Variants in EIF4E3 observed in about 807,000 individuals in gnomAD.
The protein encoded by EIF4E3 is eukaryotic translation initiation factor 4E type 3.
In EIF4E3, 26 loss-of-function variants were observed where a neutral mutation model predicts 31.7. The ratio of observed to expected loss-of-function variants is 0.82; its 90% CI spans 0.60 to 1.14. The LOEUF (loss-of-function observed/expected upper bound fraction) is 1.14. Ranked by LOEUF, EIF4E3 falls within the 50% of genes most tolerant of loss-of-function variation. The probability of loss-of-function intolerance (pLI) is 0.00; values close to 1 mark genes in which losing one functional copy is unlikely to be tolerated. For missense variants in EIF4E3, 304 were observed against 270.9 expected (o/e 1.12, Z -0.86); for synonymous variants, 128 against 107.7 (o/e 1.19, Z -1.17).
At chr3:71,754,185 G>A (rs375707207), upstream of EIF4E3, 309 of 1,438,076 alleles carry the variant, frequency 2.1e-4, 1 homozygote, top group Non-Finnish European at 2.8e-4. The surrounding 1 kb of genome is among the most constrained non-coding windows in gnomAD (Gnocchi z 5.8). Flanking sequence ...GATCGTGCGG[G>A]AGCGCAGCCT....
chr3:71,705,344 A>G (rs1274854062), intron 2 of EIF4E3, among the ~76,000 whole-genome samples: 1 of 152,150 alleles, frequency 6.6e-6, no homozygotes, highest in African/African-American at 2.4e-5. Context: ...AGGCGGCTTG[A>G]CCTGCGGATA....
intron 1 of EIF4E3, among the ~76,000 whole-genome samples, chr3:71,731,304 T>G (rs1578382132): frequency 6.6e-6 from 1 of 152,206 alleles, no homozygotes; most frequent in African/African-American, 2.4e-5. Flanking sequence ...GGCTGATCTC[T>G]CCCCCTGCCT....
chr3:71,663,290 G>A, the EIF4E3 span, among the ~76,000 whole-genome samples: 19 of 151,948 alleles, frequency 1.3e-4, no homozygotes, highest in Admixed American at 3.3e-4. Context: ...ACATGTAATC[G>A]GGGAAATTTT....
intron 1 of EIF4E3, among the ~76,000 whole-genome samples, chr3:71,716,012 T>A (rs181008587): frequency 6.6e-6 from 1 of 152,088 alleles, no homozygotes; most frequent in Non-Finnish European, 1.5e-5. Context: ...AGCATAGGTG[T>A]CCCATAGCAC....
chr3:71,673,927 AT>A (rs1559581254), downstream of EIF4E3, among the ~76,000 whole-genome samples: 4 of 139,612 alleles, frequency 2.9e-5, no homozygotes, highest in Admixed American at 1.6e-4. Flanking sequence ...ATATATATAT[AT>A]ATAAAAAACA....
upstream of EIF4E3, among the ~76,000 whole-genome samples, chr3:71,753,858 C>G (rs2108173286): frequency 6.8e-6 from 1 of 146,634 alleles, no homozygotes; most frequent in Admixed American, 6.7e-5. Flanking sequence ...GCGCACCATT[C>G]CTGAGATGGC....
chr3:71,733,374 G>C (rs1220277201), intron 1 of EIF4E3, among the ~76,000 whole-genome samples: 2 of 152,150 alleles, frequency 1.3e-5, no homozygotes, highest in African/African-American at 4.8e-5. Flanking sequence ...ATAAGATTTT[G>C]TTTTGGGGAT....
chr3:71,753,783 G>A (rs1370341664), upstream of EIF4E3, among the ~76,000 whole-genome samples: 2 of 148,620 alleles, frequency 1.3e-5, no homozygotes, highest in East Asian at 3.9e-4. Flanking sequence ...GCGGACGGTG[G>A]CGAGGCCCTG....
At chr3:71,751,070 T>C (rs2049924194) in intron 1 of EIF4E3, among the ~76,000 whole-genome samples, 1 of 151,972 alleles carries the variant, frequency 6.6e-6, no homozygotes, top group Non-Finnish European at 1.5e-5. Flanking sequence ...CCTCTACAAA[T>C]AATTTTTTAA....
rs189908855 is a variant in EIF4E3 at position 71,685,950 on chromosome 3, C to A, written c.629-1222G>T. On this transcript the variant is annotated intron_variant, in intron 6 of 6. Transcript: ENST00000425534. ...GAGGCAGATGGGCTGGCCCATTTCACCTTTTAAGCCCCTTCCAGTTCTGTT... is the reference window on the plus strand; with the variant it reads ...GAGGCAGATGGGCTGGCCCATTTCAACTTTTAAGCCCCTTCCAGTTCTGTT... Among the ~76,000 whole-genome samples the A allele has an allele frequency of 2.3e-3, 352 of 152,234 alleles. 3 individuals are homozygous for A. Among genetic ancestry groups the A allele is most frequent in the African/African-American group, 8.3e-3 (343 of 41,542 alleles).
At chr3:71,722,944 C>T (rs2049573986) in intron 1 of EIF4E3, among the ~76,000 whole-genome samples, 1 of 152,190 alleles carries the variant, frequency 6.6e-6, no homozygotes, top group Non-Finnish European at 1.5e-5. Flanking sequence ...ATGACTATCC[C>T]ATTTTACAAT....
intron 2 of EIF4E3, among the ~76,000 whole-genome samples, chr3:71,706,997 T>C (rs1029625026): frequency 3.9e-5 from 6 of 152,232 alleles, no homozygotes; most frequent in African/African-American, 1.4e-4. Flanking sequence ...ATTGATAAGT[T>C]AAATATCTTT....
At chr3:71,748,121 T>C (rs1474839499) in intron 1 of EIF4E3, among the ~76,000 whole-genome samples, 1 of 152,186 alleles carries the variant, frequency 6.6e-6, no homozygotes, top group African/African-American at 2.4e-5. Context: ...ACACCTGAAT[T>C]TGGGGAACAC....
intron 2 of EIF4E3, among the ~76,000 whole-genome samples, chr3:71,708,105 C>T (rs1323035614): frequency 1.3e-5 from 2 of 152,240 alleles, no homozygotes; most frequent in East Asian, 3.9e-4. Flanking sequence ...AACTCCTGAC[C>T]TCAAGTGATC....
Position 71,745,271 on chromosome 3 carries a change from T to C in EIF4E3, c.-291+8192A>G, listed in dbSNP as rs185319532. On this transcript the variant is annotated intron_variant, in intron 1 of 7. Transcript: ENST00000295612. ...GGCATAGGAAAAATTTATATGTGTG[T>C]GGGAGGTGTATGTATATAGAGGGTG... 1.1e-4 allele frequency among the ~76,000 whole-genome samples: 17 copies of C among 152,284 alleles called. No individual in the cohort carries two copies. The East Asian group carries it at 3.3e-3, about 29-fold the overall frequency.
upstream of EIF4E3, among the ~76,000 whole-genome samples, chr3:71,726,245 C>G (rs943424024): frequency 6.6e-6 from 1 of 152,164 alleles, no homozygotes; most frequent in East Asian, 1.9e-4. Context: ...GCCAAAGTAT[C>G]CAGATCTGCC....
At chr3:71,742,125 A>G (rs2049827147) in intron 1 of EIF4E3, among the ~76,000 whole-genome samples, 1 of 152,192 alleles carries the variant, frequency 6.6e-6, no homozygotes, top group African/African-American at 2.4e-5. Flanking sequence ...TGCAAATTAA[A>G]TAGATCAAAG....
chr3:71,716,157 T>C (rs887656057), intron 1 of EIF4E3, among the ~76,000 whole-genome samples: 5 of 151,686 alleles, frequency 3.3e-5, no homozygotes, highest in African/African-American at 1.2e-4. Flanking sequence ...GCCACTAGAA[T>C]CCCTGGCAAA....
At chr3:71,738,452 G>T (rs550460321) in intron 1 of EIF4E3, among the ~76,000 whole-genome samples, 1 of 151,574 alleles carries the variant, frequency 6.6e-6, no homozygotes, top group South Asian at 2.1e-4. Context: ...AGGTTGAAAG[G>T]GAAAAAAAAT....
Sources: gnomAD v4.1 joint callset for allele counts (sites outside exome capture counted in the v4.1 genomes callset) on GRCh38, gnomAD v4.1.1 for gene constraint, Gnocchi (gnomAD v3.1) non-coding constraint, MANE v1.5 for transcripts, NCBI Gene and HGNC (gene_info 2026-07-23, HGNC 2026-07-21) for gene names.